The following XKR9 variants were observed in gnomAD, a reference collection of about 807,000 sequenced individuals.
The protein encoded by XKR9 is XK-related protein 9.
Under a neutral mutation model 32.0 loss-of-function variants are expected in XKR9, and 32 were observed. The observed-to-expected ratio is 1.00, with a 90% CI of 0.76 to 1.34. XKR9 has a LOEUF of 1.34. Ranked by LOEUF, XKR9 falls within the 40% of genes most tolerant of loss-of-function variation. The pLI, the probability that XKR9 is intolerant of heterozygous loss-of-function variation, is 0.00. For synonymous variants in XKR9, 168 were observed against 143.4 expected (o/e 1.17, Z -1.22); for missense variants, 546 against 429.7 (o/e 1.27, Z -2.39).
At chr8:70,676,115 G>A (rs150532672) in intron 2 of XKR9, among the ~76,000 whole-genome samples, 52 of 152,300 alleles carry the variant, frequency 3.4e-4, no homozygotes, top group Non-Finnish European at 7.1e-4. Flanking sequence ...GCCTCAGGAA[G>A]CTTACAATCA....
At chr8:71,060,116 A>G in the XKR9 span, among the ~76,000 whole-genome samples, 1 of 152,190 alleles carries the variant, frequency 6.6e-6, no homozygotes, top group African/African-American at 2.4e-5. Context: ...TGTTTAAATC[A>G]TTCGCTCCAT....
the XKR9 span, among the ~76,000 whole-genome samples, chr8:70,995,419 G>A: frequency 5.9e-5 from 9 of 152,046 alleles, no homozygotes; most frequent in Admixed American, 5.2e-4. Context: ...CCCCACATAT[G>A]CCTGGACTAA....
chr8:70,669,982 A>G (rs1427751062), intron 1 of XKR9, among the ~76,000 whole-genome samples: 1 of 152,206 alleles, frequency 6.6e-6, no homozygotes, highest in Non-Finnish European at 1.5e-5. Context: ...TTCATCTTTT[A>G]TAATAAATAG....
At chr8:70,792,189 A>G (rs1050290278), downstream of XKR9, among the ~76,000 whole-genome samples, 2 of 152,158 alleles carry the variant, frequency 1.3e-5, no homozygotes, top group African/African-American at 2.4e-5. Flanking sequence ...AATTTATTCA[A>G]TTAACACTAA....
intron 2 of XKR9, among the ~76,000 whole-genome samples, chr8:70,775,218 T>C (rs770502561): frequency 6.6e-6 from 1 of 152,154 alleles, no homozygotes; most frequent in Non-Finnish European, 1.5e-5. Flanking sequence ...CTAGTCACTT[T>C]TTGGGTAAAT....
the XKR9 span, among the ~76,000 whole-genome samples, chr8:70,938,499 A>G: frequency 6.6e-6 from 1 of 152,054 alleles, no homozygotes; most frequent in South Asian, 2.1e-4. Flanking sequence ...TCTCTCATGT[A>G]TGTGCTCCCA....
At chr8:70,696,029 G>T (rs1422532141) in intron 3 of XKR9, among the ~76,000 whole-genome samples, 54 of 146,306 alleles carry the variant, frequency 3.7e-4, no homozygotes, top group South Asian at 6.5e-4. Context: ...TGATGGGGTT[G>T]TTTTTTTTTT....
the XKR9 span, among the ~76,000 whole-genome samples, chr8:70,944,494 G>A: frequency 6.6e-6 from 1 of 152,226 alleles, no homozygotes; most frequent in Non-Finnish European, 1.5e-5. Context: ...TTATGGAAAA[G>A]TTTACTGCAG....
At chr8:70,679,340 A>G (rs1818993286) in intron 2 of XKR9, among the ~76,000 whole-genome samples, 3 of 152,224 alleles carry the variant, frequency 2.0e-5, no homozygotes. Flanking sequence ...CTGTGTGCCA[A>G]GTACTTTTCT....
At chr8:70,809,923 T>A in the XKR9 span, among the ~76,000 whole-genome samples, 37 of 152,016 alleles carry the variant, frequency 2.4e-4, no homozygotes, top group Admixed American at 1.0e-3. Flanking sequence ...ACATTCAGAT[T>A]CAGGAAATAC....
chr8:70,925,002 G>A, the XKR9 span, among the ~76,000 whole-genome samples: 1 of 152,132 alleles, frequency 6.6e-6, no homozygotes, highest in Non-Finnish European at 1.5e-5. Flanking sequence ...TTCAGGGATA[G>A]TCATTAAAAT....
chr8:70,707,386 A>C (rs1805758733), intron 4 of XKR9, among the ~76,000 whole-genome samples: 1 of 152,182 alleles, frequency 6.6e-6, no homozygotes, highest in East Asian at 1.9e-4. Context: ...CCTTCAGAGA[A>C]GTTTTTAAAA....
chr8:70,924,168 C>G, the XKR9 span, among the ~76,000 whole-genome samples: 2 of 152,186 alleles, frequency 1.3e-5, no homozygotes, highest in Non-Finnish European at 2.9e-5. Flanking sequence ...CCGTATGCCA[C>G]TTATTCTCCC....
the XKR9 span, among the ~76,000 whole-genome samples, chr8:71,006,180 A>T: frequency 1.3e-5 from 2 of 152,258 alleles, no homozygotes; most frequent in African/African-American, 2.4e-5. Context: ...GAGAGAGTGG[A>T]CATTGACATT....
intron 3 of XKR9, among the ~76,000 whole-genome samples, chr8:70,700,670 G>C (rs1406854858): frequency 3.9e-5 from 6 of 152,288 alleles, no homozygotes; most frequent in East Asian, 1.9e-4. Context: ...TGCCCGTTCT[G>C]AGATCTCCAG....
At chr8:71,044,828 A>T in the XKR9 span, among the ~76,000 whole-genome samples, 1 of 152,240 alleles carries the variant, frequency 6.6e-6, no homozygotes, top group African/African-American at 2.4e-5. Context: ...ACATTTTTCT[A>T]TAGTTTATAT....
chr8:70,976,104 C>G, the XKR9 span, among the ~76,000 whole-genome samples: 4 of 152,174 alleles, frequency 2.6e-5, no homozygotes, highest in African/African-American at 9.7e-5. Flanking sequence ...TATCCTGAGA[C>G]TTTGCTGAAG....
chr8:71,064,697 A>G, the XKR9 span, among the ~76,000 whole-genome samples: 8 of 152,038 alleles, frequency 5.3e-5, no homozygotes, highest in Non-Finnish European at 7.4e-5. Flanking sequence ...GAACAGCTGA[A>G]TCTCCTCTCA....
At chr8:70,923,285 A>G in the XKR9 span, among the ~76,000 whole-genome samples, 1 of 152,262 alleles carries the variant, frequency 6.6e-6, no homozygotes, top group Non-Finnish European at 1.5e-5. Context: ...AATCAGGGAG[A>G]GAGCTCTCTA....
Sources: allele counts gnomAD v4.1 joint callset (sites outside exome capture counted in the v4.1 genomes callset), GRCh38; gene constraint gnomAD v4.1.1; transcripts MANE v1.5; gene names NCBI Gene and HGNC (gene_info 2026-07-23, HGNC 2026-07-21).